The following MND1 variants were observed in gnomAD, a reference collection of about 807,000 sequenced individuals.
MND1 encodes the protein meiotic nuclear division protein 1 homolog.
MND1 carries 28 observed loss-of-function variants against 35.1 expected under a neutral mutation model. That is an observed-to-expected ratio of 0.80 (90% confidence interval 0.59 to 1.09). MND1 has a LOEUF of 1.09. Among genes scored for constraint, MND1 ranks in the 50% least tolerant of loss-of-function variants. The pLI is 0.00. For missense variants in MND1, 213 were observed against 239.6 expected (o/e 0.89, Z 0.73); for synonymous variants, 69 against 70.5 (o/e 0.98, Z 0.11).
chr4:153,349,508 A>G (rs964853419), intron 1 of MND1, among the ~76,000 whole-genome samples: 1 of 152,086 alleles, frequency 6.6e-6, no homozygotes, highest in East Asian at 1.9e-4. Flanking sequence ...CAATCCCCCT[A>G]CATACTTCAT....
chr4:153,345,859 A>G (rs946987277), intron 1 of MND1, among the ~76,000 whole-genome samples: 2 of 152,248 alleles, frequency 1.3e-5, no homozygotes, highest in Non-Finnish European at 2.9e-5. Flanking sequence ...ATCTGTTAGC[A>G]GTGCCCTTCT....
intron 4 of MND1, among the ~76,000 whole-genome samples, chr4:153,366,040 G>A (rs1773629516): frequency 6.6e-6 from 1 of 152,210 alleles, no homozygotes; most frequent in Admixed American, 6.5e-5. Flanking sequence ...TGGCACAGCT[G>A]TTGCTCCTCC....
At chr4:153,373,540 A>C (rs547375388) in intron 4 of MND1, among the ~76,000 whole-genome samples, 1 of 152,180 alleles carries the variant, frequency 6.6e-6, no homozygotes, top group Non-Finnish European at 1.5e-5. Context: ...TCTAGCTTTT[A>C]AAAAATTGAG....
chr4:153,362,731 G>C (rs1327921497), intron 4 of MND1, among the ~76,000 whole-genome samples: 3 of 151,942 alleles, frequency 2.0e-5, no homozygotes, highest in African/African-American at 7.3e-5. Context: ...TAACCTGTAT[G>C]TTTTTTAGTT....
intron 6 of MND1, among the ~76,000 whole-genome samples, chr4:153,399,770 T>C (rs747331316): frequency 6.6e-6 from 1 of 152,130 alleles, no homozygotes; most frequent in Non-Finnish European, 1.5e-5. Context: ...AATTTATAAC[T>C]TTGGTAATTT....
chr4:153,394,411 G>A, intron 5 of MND1, 75 bp downstream of exon 5: 1 of 1,178,884 alleles, frequency 8.5e-7, no homozygotes, highest in Non-Finnish European at 1.2e-6. Context: ...AGCTTCCTGT[G>A]AGGAGGATGC....
At chr4:153,388,315 C>A (rs1728923791) in intron 4 of MND1, among the ~76,000 whole-genome samples, 1 of 152,080 alleles carries the variant, frequency 6.6e-6, no homozygotes, top group Admixed American at 6.6e-5. Context: ...CATAGTGAGA[C>A]CTTGTCTCTA....
intron 6 of MND1, among the ~76,000 whole-genome samples, chr4:153,402,711 TC>T (rs1392955959): frequency 3.3e-5 from 5 of 152,162 alleles, no homozygotes; most frequent in African/African-American, 1.2e-4. Flanking sequence ...GGAAAAACTG[TC>T]TTTATTTGAT....
At chr4:153,396,175 A>C (rs1729192313) in intron 5 of MND1, among the ~76,000 whole-genome samples, 1 of 152,208 alleles carries the variant, frequency 6.6e-6, no homozygotes, top group Non-Finnish European at 1.5e-5. Flanking sequence ...AATTAGCTAC[A>C]ATTAAATTTA....
intron 4 of MND1, among the ~76,000 whole-genome samples, chr4:153,369,863 C>T (rs998127954): frequency 1.7e-4 from 26 of 152,068 alleles, no homozygotes; most frequent in Non-Finnish European, 3.4e-4. Flanking sequence ...AACCCTGCCT[C>T]TACTTTGTCA....
At chr4:153,370,211 G>A (rs1465467482) in intron 4 of MND1, among the ~76,000 whole-genome samples, 1 of 151,956 alleles carries the variant, frequency 6.6e-6, no homozygotes, top group Non-Finnish European at 1.5e-5. Context: ...GAACCTAGGA[G>A]GCGGAGGTTG....
In MND1 at chr4:153,397,248, T is replaced by G; in HGVS notation, c.381T>G (p.Leu127=). ...AGCGAACCAGGCTAGCAAAAGAGCT[T>G]TCTTCACTTCGAGACCAAAGGGAAC... The part of the protein sequence containing the change: ...TEERTRLAKE[L]SSLRDQREQL... Residue 127 remains leucine (L), a synonymous_variant, in exon 6 of 8, where the codon CTT becomes CTG. Coordinates refer to ENST00000240488, the MANE Select transcript of MND1 (RefSeq NM_032117.4). 6.2e-7 allele frequency: 1 copy of G among 1,612,554 alleles called. No individual in the cohort carries two copies. Among genetic ancestry groups the G allele is most frequent in the Non-Finnish European group, 8.5e-7 (1 of 1,179,198 alleles).
chr4:153,353,404 CATATATATATATATATAT>C (rs58280101), intron 2 of MND1, among the ~76,000 whole-genome samples: 2,932 of 81,978 alleles, frequency 0.036, 101 homozygotes, highest in Admixed American at 0.055. Flanking sequence ...GACTTTATCA[CATATATATATATATATAT>C]ATATATATAT....
intron 4 of MND1, among the ~76,000 whole-genome samples, chr4:153,382,889 TC>T: frequency 6.6e-6 from 1 of 152,316 alleles, no homozygotes; most frequent in South Asian, 2.1e-4. Flanking sequence ...TAAAACTGAA[TC>T]AAGTATGAGA....
intron 4 of MND1, among the ~76,000 whole-genome samples, chr4:153,393,844 A>G (rs960284910): frequency 4.6e-5 from 7 of 150,946 alleles, no homozygotes; most frequent in East Asian, 1.9e-4. Flanking sequence ...TTTTTTTTCA[A>G]TGTACCCTAA....
intron 4 of MND1, among the ~76,000 whole-genome samples, chr4:153,393,751 A>C (rs1729113241): frequency 2.0e-5 from 3 of 151,678 alleles, no homozygotes; most frequent in Admixed American, 2.0e-4. Flanking sequence ...TAATAAATGG[A>C]GACTATGTGG....
chr4:153,390,031 T>C (rs1328704660), intron 4 of MND1, among the ~76,000 whole-genome samples: 2 of 60,736 alleles, frequency 3.3e-5, no homozygotes, highest in Non-Finnish European at 6.3e-5. Context: ...GCCCTTTGGC[T>C]TTTTTTTTTT....
intron 4 of MND1, among the ~76,000 whole-genome samples, chr4:153,360,008 A>C: frequency 6.6e-6 from 1 of 152,000 alleles, no homozygotes; most frequent in African/African-American, 2.4e-5. Flanking sequence ...GCTGGTCTTG[A>C]ACTCCTGACC....
rs531210180 is a variant in MND1, at chr4:153,372,285, G to A, written c.276+13663G>A. The stretch of plus-strand genomic sequence containing the variant: ...CACAAACTTAATTTGTAGAAAACAC[G>A]CTATCTGAAGTGCAGTAAAGCAAAG... On this transcript the variant is annotated intron_variant, in intron 4 of 7. Coordinates refer to ENST00000240488, the MANE Select transcript of MND1 (RefSeq NM_032117.4). Among the ~76,000 whole-genome samples the A allele has an allele frequency of 1.2e-3, 187 of 152,096 alleles. 1 individual carries two copies. The highest frequency in any genetic ancestry group is 2.4e-3 in the Non-Finnish European group (160 of 68,006).
Sources: allele counts gnomAD v4.1 joint callset (sites outside exome capture counted in the v4.1 genomes callset), GRCh38; gene constraint gnomAD v4.1.1; transcripts MANE v1.5; gene names NCBI Gene and HGNC (gene_info 2026-07-23, HGNC 2026-07-21).